The following SPEN variants were observed in gnomAD, a reference collection of about 807,000 sequenced individuals.
The protein encoded by SPEN is spen family transcriptional repressor.
Under a neutral mutation model 269.9 loss-of-function variants are expected in SPEN, and 18 were observed. The observed-to-expected ratio is 0.07, with a 90% CI of 0.05 to 0.10. SPEN has a LOEUF of 0.10. SPEN is among the 10% of genes least tolerant of loss of function. The probability of loss-of-function intolerance (pLI) is 1.00; values close to 1 mark genes in which losing one functional copy is unlikely to be tolerated. For synonymous variants in SPEN, 1,726 were observed against 1,765.7 expected, an observed-to-expected ratio of 0.98 and a Z score of 0.56; for missense variants, 3,822 against 4,631.2, an observed-to-expected ratio of 0.83 and a Z score of 5.07.
chr1:15,939,002 A>C lies in SPEN; in HGVS notation c.10863+126A>C, dbSNP rs534802399. 8.0e-7 allele frequency: 1 copy of C among 1,254,640 alleles called. No individual in the cohort carries two copies. Among genetic ancestry groups the C allele is most frequent in the East Asian group, 2.4e-5 (1 of 42,242 alleles). 77.7% of individuals were successfully genotyped at this position (1,254,640 alleles called of 1,614,324 possible). A position where few individuals can be genotyped will look rare whatever the true frequency, so the allele number is the denominator to read the frequency against. ...AGGTGGGCAAAGGGGCATTTTGGAC[A>C]GAAGTCAGTAGAGCACATGGGGCGG... On this transcript the variant is annotated intron_variant, in intron 14 of 14. Coordinates refer to ENST00000375759, the MANE Select transcript of SPEN (RefSeq NM_015001.3). This position sits in a 1 kb window ranked among gnomAD's most constrained non-coding sequence, Gnocchi z 4.1.
At chr1:15,923,282 G>A (rs972715301) in intron 10 of SPEN, among the ~76,000 whole-genome samples, 2 of 152,142 alleles carry the variant, frequency 1.3e-5, no homozygotes, top group African/African-American at 4.8e-5. Flanking sequence ...TGAACAGACC[G>A]AAATATAGTA....
intron 1 of SPEN, among the ~76,000 whole-genome samples, chr1:15,857,959 G>A (rs2070403848): frequency 6.6e-6 from 1 of 152,002 alleles, no homozygotes; most frequent in East Asian, 1.9e-4. Context: ...GAAATCCTGT[G>A]TCTATTAAAA....
intron 3 of SPEN, among the ~76,000 whole-genome samples, chr1:15,879,502 A>C (rs1041526782): frequency 6.6e-6 from 1 of 152,156 alleles, no homozygotes; most frequent in Non-Finnish European, 1.5e-5. Context: ...AACTGCTAGA[A>C]GGGTAGGATG....
At chr1:15,854,585 T>G (rs2148702084) in intron 1 of SPEN, among the ~76,000 whole-genome samples, 1 of 152,082 alleles carries the variant, frequency 6.6e-6, no homozygotes, top group South Asian at 2.1e-4. Flanking sequence ...CCTCCCAGGT[T>G]CAAGCAATTC....
Position 15,928,559 on chromosome 1 carries a change from A to G in SPEN, c.2319A>G (p.Arg773=), listed in dbSNP as rs750330328. The change falls in exon 11 of 15, where the codon AGA becomes AGG. Residue 773 remains arginine (R), a synonymous_variant. Coordinates refer to ENST00000375759, the MANE Select transcript of SPEN (RefSeq NM_015001.3). This position sits in a 1 kb window ranked among gnomAD's most constrained non-coding sequence, Gnocchi z 5.7. ...GCTGTAGCTCACTCTCCCCTCCAAG[A>G]TATGAGAAACTGGACAAGTCTCGTT... ...SGSCSSLSPP[R]YEKLDKSRLE... 2 of 1,614,202 alleles carry G rather than the reference A, an allele frequency of 1.2e-6. No individual in the cohort carries two copies. Among genetic ancestry groups the G allele is most frequent in the Admixed American group, 3.3e-5 (2 of 60,028 alleles).
At position 15,855,990 on chromosome 1, in the gene SPEN, C is replaced by CT. The variant is rs1553173874; in HGVS notation, c.83+7860dup. Among the ~76,000 whole-genome samples the CT allele has an allele frequency of 2.2e-3, 61 of 28,240 alleles. 3 individuals carry two copies. The highest frequency in any genetic ancestry group is 1.0e-2 in the East Asian group (5 of 502). The allele number at this position is 28,240 out of a possible 152,430, so 18.5% of individuals were successfully genotyped here. ...TTATTGTGTGAAAAGGATGCTAGAA[C>CT]TTTTTTTTTTTTTTTTTTTTGAGAC... On this transcript the variant is annotated intron_variant, in intron 1 of 14. Transcript: ENST00000375759.
Position 15,931,623 on chromosome 1 carries a change from C to T in SPEN, c.5383C>T (p.Pro1795Ser), listed in dbSNP as rs75807604. The T allele has an allele frequency of 2.2e-4, 351 of 1,614,178 alleles. 1 individual carries two copies. Among genetic ancestry groups the T allele is most frequent in the East Asian group, 2.2e-4 (10 of 44,896 alleles). ...PDANQKAEAA[P>S]ESQPPASEDL... ...TGCAAACCAGAAAGCCGAAGCTGCT[C>T]CTGAGTCTCAGCCCCCAGCTTCTGA... The change falls in exon 11 of 15, where the codon CCT (proline) becomes TCT (serine). Residue 1795 changes from proline to serine, a missense_variant. Physicochemically the swap from Pro to Ser is moderately conservative, Grantham distance 74 (BLOSUM62 -1). Around this residue, in one of 16 missense-constraint regions of SPEN, gnomAD observed 533 missense variants for 618.8 expected, o/e 0.86. Transcript: ENST00000375759. This position sits in a 1 kb window ranked among gnomAD's most constrained non-coding sequence, Gnocchi z 4.8.
In SPEN at chr1:15,934,018, A is replaced by G. The variant is rs77870948; in HGVS notation, c.7778A>G (p.Asn2593Ser). ...EEKTAPPVTN[N>S]SEIQASEVLV... ...AAAACAGCACCTCCAGTGACAAACA[A>G]CTCTGAGATACAAGCCTCGGAGGTG... Residue 2593 changes from asparagine to serine, a missense_variant, in exon 11 of 15, where the codon AAC becomes AGC. Around this residue, in one of 16 missense-constraint regions of SPEN, gnomAD observed 727 missense variants for 737.9 expected, o/e 0.99. Transcript: ENST00000375759. The surrounding 1 kb of genome is among the most constrained non-coding windows in gnomAD (Gnocchi z 9.2). 6.4e-3 allele frequency: 10,320 copies of G among 1,613,826 alleles called. 581 individuals are homozygous for G. The African/African-American group carries it at 0.12, about 19-fold the overall frequency.
chr1:15,916,051 G>A (rs2071064326), intron 5 of SPEN, 77 bp from the exon 6 acceptor site: 3 of 1,478,072 alleles, frequency 2.0e-6, no homozygotes, highest in Non-Finnish European at 2.7e-6. Flanking sequence ...TTTTTTAAAT[G>A]TAGATTTTTC....
chr1:15,866,173 G>A (rs1394252228), intron 1 of SPEN, among the ~76,000 whole-genome samples: 1 of 151,906 alleles, frequency 6.6e-6, no homozygotes, highest in Non-Finnish European at 1.5e-5. Flanking sequence ...ATCCCTCCTA[G>A]TAGAGAAATA....
intron 3 of SPEN, among the ~76,000 whole-genome samples, chr1:15,884,936 A>C (rs2070722385): frequency 6.6e-6 from 1 of 151,812 alleles, no homozygotes; most frequent in Non-Finnish European, 1.5e-5. Context: ...CATGTTGACC[A>C]CCCAGGCTAG....
At position 15,868,142 on chromosome 1, in the gene SPEN, T is replaced by TA. The variant is rs200870495; in HGVS notation, c.84-4664dup. ...GCCACTGCATCCGGCCCCAGCTAAT[T>TA]AAAAAAAAAATTATATATATTTATT... On this transcript the variant is annotated intron_variant, in intron 1 of 14. Coordinates refer to ENST00000375759, the MANE Select transcript of SPEN (RefSeq NM_015001.3). 6.3e-3 allele frequency among the ~76,000 whole-genome samples: 946 copies of TA among 149,210 alleles called. 8 individuals carry two copies. Among genetic ancestry groups the TA allele is most frequent in the Non-Finnish European group, 8.4e-3 (565 of 67,194 alleles).
intron 9 of SPEN, 29 bp from the exon 10 acceptor site, chr1:15,922,220 G>C: frequency 1.3e-6 from 2 of 1,492,308 alleles, no homozygotes; most frequent in Non-Finnish European, 9.2e-7. Context: ...TTTGAAACTT[G>C]CATCAAACAC....
intron 3 of SPEN, among the ~76,000 whole-genome samples, chr1:15,878,487 C>T (rs1014739246): frequency 2.6e-5 from 4 of 152,124 alleles, no homozygotes; most frequent in South Asian, 4.1e-4. Flanking sequence ...GCTTTCAAGC[C>T]GTGTGACATG....
chr1:15,927,957 A>G (rs775590693), intron 10 of SPEN, 134 bp from the exon 11 acceptor site: 21 of 834,502 alleles, frequency 2.5e-5, no homozygotes, highest in Non-Finnish European at 3.5e-5. Flanking sequence ...GCTACTACAA[A>G]CTAATCATTT....
Position 15,930,073 on chromosome 1 carries a change from C to T in SPEN, c.3833C>T (p.Ser1278Phe). The T allele has an allele frequency of 1.2e-6, 2 of 1,614,194 alleles. No homozygotes were observed. The highest frequency in any genetic ancestry group is 1.7e-6 in the Non-Finnish European group (2 of 1,180,036). ...CATGAAGATGAGGATCCCATAGGCT[C>T]CCCTAGGCTACTGTCAGTAAAAGGG... ...SFHEDEDPIG[S>F]PRLLSVKGSP... The change falls in exon 11 of 15, where the codon TCC becomes TTC. Residue 1278 changes from serine (S) to phenylalanine (F), a missense_variant. Physicochemically the swap from Ser to Phe is radical, Grantham distance 155. Around this residue, in one of 16 missense-constraint regions of SPEN, gnomAD observed 267 missense variants for 315.5 expected, o/e 0.85. Coordinates refer to ENST00000375759, the MANE Select transcript of SPEN (RefSeq NM_015001.3). This position sits in a 1 kb window ranked among gnomAD's most constrained non-coding sequence, Gnocchi z 5.3.
At chr1:15,910,436 G>A (rs754779997) in intron 4 of SPEN, among the ~76,000 whole-genome samples, 9 of 152,182 alleles carry the variant, frequency 5.9e-5, no homozygotes, top group Non-Finnish European at 1.2e-4. Context: ...TGGAAAGATA[G>A]ACGATGCCTT....
Position 15,935,918 on chromosome 1 carries a change from TCAG to T in SPEN, c.9683_9685del (p.Gln3228del). On this transcript the variant is annotated inframe_deletion, in exon 11 of 15. Coordinates refer to ENST00000375759, the MANE Select transcript of SPEN (RefSeq NM_015001.3). This position sits in a 1 kb window ranked among gnomAD's most constrained non-coding sequence, Gnocchi z 7.7. Reference sequence around the variant, plus strand: ...AGGTGCCACCAGCCAGCAAGGCCCCTCAGCAGCCAGGGAAGGAAGCTGCCAAGA... The same window carrying T: ...AGGTGCCACCAGCCAGCAAGGCCCCTCAGCCAGGGAAGGAAGCTGCCAAGA... 1 of 1,612,370 alleles carries T rather than the reference TCAG, an allele frequency of 6.2e-7. No individual in the cohort carries two copies.
At chr1:15,907,567 G>A (rs1379171669) in intron 3 of SPEN, among the ~76,000 whole-genome samples, 2 of 152,126 alleles carry the variant, frequency 1.3e-5, no homozygotes, top group Non-Finnish European at 2.9e-5. Context: ...GAATATGAGA[G>A]CTGTAGTTCT....
Sources: gnomAD v4.1 joint callset for allele counts (sites outside exome capture counted in the v4.1 genomes callset) on GRCh38, gnomAD v4.1.1 for gene constraint, gnomAD v4.1.1 regional missense constraint, Gnocchi (gnomAD v3.1) non-coding constraint, MANE v1.5 for transcripts, NCBI Gene and HGNC (gene_info 2026-07-23, HGNC 2026-07-21) for gene names.